EML6: variants seen among roughly 807,000 people sequenced by gnomAD.
EML6 encodes the protein echinoderm microtubule-associated protein-like 6.
In EML6, 154 loss-of-function variants were observed where a neutral mutation model predicts 240.1. The ratio of observed to expected loss-of-function variants is 0.64; its 90% CI spans 0.56 to 0.73. EML6 has a LOEUF of 0.73. Ranked by LOEUF, EML6 falls within the 30% of genes least tolerant of loss-of-function variation. The pLI, the probability that EML6 is intolerant of heterozygous loss-of-function variation, is 0.00. For synonymous variants in EML6, 1,148 were observed against 899.0 expected, an observed-to-expected ratio of 1.28 and a Z score of -4.95; for missense variants, 2,964 against 2,474.6, an observed-to-expected ratio of 1.20 and a Z score of -4.20.
At position 54,970,181 on chromosome 2, in the gene EML6, G is replaced by C. The variant is rs1676928267; in HGVS notation, c.*86G>C. 2.2e-6 allele frequency: 3 copies of C among 1,372,484 alleles called. No individual in the cohort carries two copies. The East Asian group carries it at 7.5e-5, about 34-fold the overall frequency. 85.0% of individuals were successfully genotyped at this position (1,372,484 alleles called of 1,614,324 possible). On this transcript the variant is annotated 3_prime_UTR_variant, in exon 42 of 42. Transcript: ENST00000356458. ...ATGCTGAGGTGCCTCCTTGCCACCA[G>C]CCGTTGGGAAATGCCTACCATGCTG...
chr2:54,922,666 T>C (rs1040048311), intron 26 of EML6, among the ~76,000 whole-genome samples: 1 of 152,232 alleles, frequency 6.6e-6, no homozygotes, highest in East Asian at 1.9e-4. Flanking sequence ...AATGAATGGA[T>C]AAGGAAATTA....
At chr2:54,831,115 G>GGT (rs1395299815) in intron 7 of EML6, among the ~76,000 whole-genome samples, 12 of 152,262 alleles carry the variant, frequency 7.9e-5, no homozygotes. Context: ...CCTGAACCAT[G>GGT]AAACTTCTTG....
chr2:54,860,969 A>G (rs976662206), intron 12 of EML6, among the ~76,000 whole-genome samples: 2 of 152,154 alleles, frequency 1.3e-5, no homozygotes, highest in Non-Finnish European at 2.9e-5. Context: ...GTGGTCTTAA[A>G]TGGGTTTACA....
At chr2:54,789,661 C>G (rs1304097600) in intron 2 of EML6, among the ~76,000 whole-genome samples, 1 of 151,444 alleles carries the variant, frequency 6.6e-6, no homozygotes, top group African/African-American at 2.4e-5. Context: ...GTGCCAGATA[C>G]TGTATTGGAT....
chr2:54,894,936 G>C lies in EML6; in HGVS notation c.2764G>C (p.Asp922His). 1 of 1,551,204 alleles carries C rather than the reference G, an allele frequency of 6.4e-7. No homozygotes were observed. Among genetic ancestry groups the C allele is most frequent in the Non-Finnish European group, 8.7e-7 (1 of 1,146,628 alleles). Residue 922 changes from aspartate (D) to histidine (H), a missense_variant, in exon 20 of 42, where the codon GAC becomes CAC. By Grantham distance (81) the Asp-to-His change is moderately conservative. Transcript: ENST00000356458. Reference protein sequence around the residue: ...LDKGFVTGGKDGIVELWDDMF... With the variant: ...LDKGFVTGGKHGIVELWDDMF... ...ACAGGGCTTTGTAACAGGTGGAAAG[G>C]ACGGCATCGTGGAGCTCTGGGATGA... is the stretch of plus-strand genomic sequence containing the variant.
intron 30 of EML6, among the ~76,000 whole-genome samples, chr2:54,951,642 T>C (rs12619758): frequency 0.64 from 96,347 of 151,424 alleles, 34,567 homozygotes; most frequent in Non-Finnish European, 0.81. Context: ...AACAGAAAAC[T>C]ATATCATTAC....
Position 54,725,013 on chromosome 2 carries a change from G to A in EML6, c.-49G>A. ...CCGCCGCAGCCCCAGCCTCGGCGAG[G>A]ACGGCCCCGGCGCGCGGGGGGGCGG... On this transcript the variant is annotated 5_prime_UTR_variant, in exon 2 of 42. Coordinates refer to ENST00000356458, the MANE Select transcript of EML6 (RefSeq NM_001039753.4). This position sits in a 1 kb window ranked among gnomAD's most constrained non-coding sequence, Gnocchi z 4.3. 3.5e-6 allele frequency: 5 copies of A among 1,423,988 alleles called. No individual in the cohort carries two copies. Among genetic ancestry groups the A allele is most frequent in the Non-Finnish European group, 4.6e-6 (5 of 1,089,040 alleles). 88.2% of individuals were successfully genotyped at this position (1,423,988 alleles called of 1,614,324 possible).
At chr2:54,800,416 C>T (rs1020166321) in intron 2 of EML6, among the ~76,000 whole-genome samples, 1 of 152,082 alleles carries the variant, frequency 6.6e-6, no homozygotes, top group Admixed American at 6.5e-5. Context: ...TACATACACA[C>T]ATATAAATAT....
chr2:54,864,465 A>G (rs1042893569), intron 13 of EML6, among the ~76,000 whole-genome samples: 7 of 152,254 alleles, frequency 4.6e-5, no homozygotes, highest in Non-Finnish European at 8.8e-5. Context: ...TTGACATATC[A>G]TTTTAGCACT....
intron 2 of EML6, among the ~76,000 whole-genome samples, chr2:54,738,460 C>T (rs1345249022): frequency 6.6e-6 from 1 of 152,116 alleles, no homozygotes; most frequent in Admixed American, 6.5e-5. Context: ...GTACATATAT[C>T]ATAGTGTACA....
intron 2 of EML6, among the ~76,000 whole-genome samples, chr2:54,729,426 A>T (rs578075939): frequency 6.6e-6 from 1 of 152,238 alleles, no homozygotes; most frequent in Non-Finnish European, 1.5e-5. Flanking sequence ...AGTGAATTTT[A>T]TAACCAGAGC....
At chr2:54,750,203 G>T (rs1684097099) in intron 2 of EML6, among the ~76,000 whole-genome samples, 1 of 152,184 alleles carries the variant, frequency 6.6e-6, no homozygotes, top group South Asian at 2.1e-4. Flanking sequence ...ATATGGCCCA[G>T]GAAGAACTCA....
At chr2:54,904,382 C>G (rs1673208883) in intron 24 of EML6, among the ~76,000 whole-genome samples, 1 of 152,148 alleles carries the variant, frequency 6.6e-6, no homozygotes, top group Admixed American at 6.5e-5. Flanking sequence ...AGCATTCCCA[C>G]CTTCAGAGAC....
chr2:54,842,053 G>A lies in EML6; in HGVS notation c.848-1994G>A, dbSNP rs547708323. ...ACCAGAGTGGTACATTTGTTCCAGT[G>A]GGTGAAGCTACCTTGACGTGTCATT... is the stretch of plus-strand genomic sequence containing the variant. On this transcript the variant is annotated intron_variant, in intron 7 of 41. Transcript: ENST00000356458. Among the ~76,000 whole-genome samples, 2 of 152,196 alleles carry A rather than the reference G, an allele frequency of 1.3e-5. 1 individual carries two copies. Among genetic ancestry groups the A allele is most frequent in the South Asian group, 4.2e-4 (2 of 4,808 alleles).
chr2:54,853,749 G>C lies in EML6; in HGVS notation c.1551G>C (p.Glu517Asp), dbSNP rs1485866832. Residue 517 changes from glutamate to aspartate, a missense_variant, in exon 11 of 42, where the codon GAG (glutamate) becomes GAC (aspartate). Transcript: ENST00000356458. ...GTGGAATTTGGCCCAAATACACTGA[G>C]GTTACTGACATCAACTCAGTGGATG... ...EVSGIWPKYTEVTDINSVDAN... is the reference protein window; with the variant it reads ...EVSGIWPKYTDVTDINSVDAN... 5 of 1,551,644 alleles carry C rather than the reference G, an allele frequency of 3.2e-6. No homozygotes were observed. Among genetic ancestry groups the C allele is most frequent in the Non-Finnish European group, 4.4e-6 (5 of 1,146,922 alleles).
At chr2:54,824,001 G>T (rs138269672) in intron 5 of EML6, among the ~76,000 whole-genome samples, 1 of 151,964 alleles carries the variant, frequency 6.6e-6, no homozygotes, top group Non-Finnish European at 1.5e-5. Flanking sequence ...ATTTCCTAGG[G>T]TCACAAAAAT....
chr2:54,866,020 T>C (rs1670952285), intron 13 of EML6, among the ~76,000 whole-genome samples: 1 of 152,234 alleles, frequency 6.6e-6, no homozygotes, highest in Admixed American at 6.5e-5. Flanking sequence ...GTTAATTGCA[T>C]CTGTAGTAGA....
At chr2:54,780,985 T>C (rs1668831146) in intron 2 of EML6, among the ~76,000 whole-genome samples, 1 of 152,224 alleles carries the variant, frequency 6.6e-6, no homozygotes, top group African/African-American at 2.4e-5. Flanking sequence ...TTTATTTGTA[T>C]GTAAAAACGT....
intron 6 of EML6, among the ~76,000 whole-genome samples, chr2:54,828,849 G>T (rs1373185393): frequency 6.6e-6 from 1 of 152,232 alleles, no homozygotes; most frequent in Non-Finnish European, 1.5e-5. Context: ...GCGAACACAA[G>T]TGCTATTTAC....
Sources: allele counts gnomAD v4.1 joint callset (sites outside exome capture counted in the v4.1 genomes callset), GRCh38; gene constraint gnomAD v4.1.1; non-coding constraint Gnocchi (gnomAD v3.1); transcripts MANE v1.5; gene names NCBI Gene and HGNC (gene_info 2026-07-23, HGNC 2026-07-21).